The following GPC5 variants were observed in gnomAD, a reference collection of about 807,000 sequenced individuals.
GPC5 encodes the protein glypican 5.
A neutral mutation model predicts 53.9 loss-of-function variants in GPC5; 47 were observed. The observed-to-expected ratio is 0.87, with a 90% CI of 0.69 to 1.11. The LOEUF (loss-of-function observed/expected upper bound fraction) is 1.11. GPC5 is among the 50% of genes most tolerant of loss of function. The pLI is 0.00. For synonymous variants in GPC5, 286 were observed against 263.3 expected (o/e 1.09, Z -0.84); for missense variants, 748 against 713.1 (o/e 1.05, Z -0.56).
chr13:92,154,402 A>G (rs750599610), intron 7 of GPC5, among the ~76,000 whole-genome samples: 11 of 152,294 alleles, frequency 7.2e-5, no homozygotes, highest in South Asian at 2.1e-4. Flanking sequence ...ACAAAAGTCA[A>G]TTTCAGTGAT....
intron 7 of GPC5, among the ~76,000 whole-genome samples, chr13:92,324,539 T>G (rs1297018941): frequency 1.3e-5 from 2 of 151,890 alleles, no homozygotes; most frequent in African/African-American, 4.8e-5. Context: ...AAAACAAAAG[T>G]TTTCATGTTT....
intron 6 of GPC5, among the ~76,000 whole-genome samples, chr13:92,061,890 A>G (rs1594748764): frequency 6.6e-6 from 1 of 152,022 alleles, no homozygotes; most frequent in African/African-American, 2.4e-5. Context: ...TAAGGAAAAA[A>G]GTTTTTCTTA....
chr13:91,933,818 A>T (rs1048283109), intron 6 of GPC5, among the ~76,000 whole-genome samples: 2 of 151,958 alleles, frequency 1.3e-5, no homozygotes, highest in African/African-American at 4.8e-5. Context: ...GTATCATTTG[A>T]TGTATAACTA....
At chr13:92,488,523 C>G (rs2139443318) in intron 7 of GPC5, among the ~76,000 whole-genome samples, 1 of 152,296 alleles carries the variant, frequency 6.6e-6, no homozygotes, top group East Asian at 1.9e-4. Flanking sequence ...TGCTTAACTG[C>G]TGGCATTTTT....
chr13:91,924,263 TTAA>T (rs1185081473), intron 6 of GPC5, among the ~76,000 whole-genome samples: 3 of 152,228 alleles, frequency 2.0e-5, no homozygotes, highest in African/African-American at 7.2e-5. Flanking sequence ...GTCATTATTA[TTAA>T]TGAGAATTGA....
At chr13:91,432,216 T>C (rs1455963437) in intron 1 of GPC5, among the ~76,000 whole-genome samples, 3 of 140,780 alleles carry the variant, frequency 2.1e-5, no homozygotes, top group East Asian at 3.9e-4. Flanking sequence ...TGTGTGTGTG[T>C]GTGTGTGTGT....
chr13:91,742,714 C>T (rs1302950865), intron 4 of GPC5, among the ~76,000 whole-genome samples: 1 of 152,100 alleles, frequency 6.6e-6, no homozygotes, highest in Admixed American at 6.6e-5. Context: ...TGGAACTCCC[C>T]TAGTTTGCTT....
chr13:91,911,407 G>A (rs563359790), intron 6 of GPC5, among the ~76,000 whole-genome samples: 2 of 152,144 alleles, frequency 1.3e-5, no homozygotes, highest in Admixed American at 1.3e-4. Context: ...AGCCGGGCAT[G>A]GTGGCTCACA....
Position 92,405,553 on chromosome 13 carries a change from T to A in GPC5, c.1561+260564T>A, listed in dbSNP as rs112921715. On this transcript the variant is annotated intron_variant, in intron 7 of 7. Transcript: ENST00000377067. Reference sequence around the variant, plus strand: ...TCACATTCTTCCTTAACATGAACATTGAGTCTGCAAAGTCAGATAAGTGAA... The same window carrying A: ...TCACATTCTTCCTTAACATGAACATAGAGTCTGCAAAGTCAGATAAGTGAA... Among the ~76,000 whole-genome samples, 425 of 152,328 alleles carry A rather than the reference T, an allele frequency of 2.8e-3. 2 individuals are homozygous for A. The highest frequency in any genetic ancestry group is 4.0e-3 in the Non-Finnish European group (274 of 68,026).
chr13:91,600,046 A>T lies in GPC5; in HGVS notation c.326-93141A>T, dbSNP rs1272728796. Among the ~76,000 whole-genome samples, 3 of 152,068 alleles carry T rather than the reference A, an allele frequency of 2.0e-5. No individual in the cohort carries two copies. The East Asian group carries it at 5.8e-4, about 29-fold the overall frequency. On this transcript the variant is annotated intron_variant, in intron 2 of 7. Transcript: ENST00000377067. ...AAGCAATTCTCTGCCTCAGCCTCCCAAGTAGCTGGGATTATAGGCACATGC... is the reference window on the plus strand; with the variant it reads ...AAGCAATTCTCTGCCTCAGCCTCCCTAGTAGCTGGGATTATAGGCACATGC...
At chr13:92,627,615 C>A (rs1279373594) in intron 7 of GPC5, among the ~76,000 whole-genome samples, 2 of 152,112 alleles carry the variant, frequency 1.3e-5, no homozygotes, top group Non-Finnish European at 2.9e-5. Flanking sequence ...AGCAATAAAA[C>A]CTCCATGAGC....
chr13:92,354,274 C>T (rs374224457), intron 7 of GPC5, among the ~76,000 whole-genome samples: 1 of 152,124 alleles, frequency 6.6e-6, no homozygotes. Context: ...ATCATGGATT[C>T]TTTATAATTG....
At chr13:91,869,789 A>C (rs1351312615) in intron 5 of GPC5, among the ~76,000 whole-genome samples, 1 of 152,182 alleles carries the variant, frequency 6.6e-6, no homozygotes, top group Non-Finnish European at 1.5e-5. Context: ...TTATAATTGT[A>C]GCGGAAGGTG....
At chr13:92,408,855 A>G (rs906057883) in intron 7 of GPC5, among the ~76,000 whole-genome samples, 1 of 152,060 alleles carries the variant, frequency 6.6e-6, no homozygotes, top group Non-Finnish European at 1.5e-5. Context: ...AAATCCCCCT[A>G]AGGTACATTA....
intron 7 of GPC5, among the ~76,000 whole-genome samples, chr13:92,208,369 T>C (rs2042352332): frequency 6.6e-6 from 1 of 152,230 alleles, no homozygotes; most frequent in Non-Finnish European, 1.5e-5. Context: ...TGGCCACTAC[T>C]CATTAGTCAG....
intron 7 of GPC5, among the ~76,000 whole-genome samples, chr13:92,627,370 G>A (rs1169683976): frequency 1.3e-5 from 2 of 152,166 alleles, no homozygotes; most frequent in Admixed American, 1.3e-4. Flanking sequence ...CTACAGCTTG[G>A]ATTTGTTTAT....
At chr13:92,602,220 AATATATATATAACAT>A (rs1457281954) in intron 7 of GPC5, among the ~76,000 whole-genome samples, 2 of 110,254 alleles carry the variant, frequency 1.8e-5, no homozygotes, top group African/African-American at 6.9e-5. Context: ...CATATATATA[AATATATATATAACAT>A]ATATATATAT....
At chr13:92,366,532 A>C (rs1192603603) in intron 7 of GPC5, among the ~76,000 whole-genome samples, 2 of 151,808 alleles carry the variant, frequency 1.3e-5, no homozygotes, top group African/African-American at 4.9e-5. Flanking sequence ...AATTCTTTAC[A>C]TCTTGAGTGC....
At chr13:92,287,987 C>A (rs2042967873) in intron 7 of GPC5, among the ~76,000 whole-genome samples, 1 of 151,968 alleles carries the variant, frequency 6.6e-6, no homozygotes, top group South Asian at 2.1e-4. Context: ...TCCAGTTGTC[C>A]AGTCTATCTT....
Sources: gnomAD v4.1 joint callset for allele counts (sites outside exome capture counted in the v4.1 genomes callset) on GRCh38, gnomAD v4.1.1 for gene constraint, MANE v1.5 for transcripts, NCBI Gene and HGNC (gene_info 2026-07-23, HGNC 2026-07-21) for gene names.